Variants in HTR1F observed in about 807,000 individuals in gnomAD.
HTR1F encodes 5-hydroxytryptamine (serotonin) receptor 1F, G protein-coupled.
Under a neutral mutation model 24.0 loss-of-function variants are expected in HTR1F, and 17 were observed. That is an observed-to-expected ratio of 0.71 (90% confidence interval 0.48 to 1.06). The LOEUF is 1.06. Among genes scored for constraint, HTR1F ranks in the 50% least tolerant of loss-of-function variants. HTR1F has a pLI of 0.00. For missense variants in HTR1F, 391 were observed against 427.8 expected (o/e 0.91, Z 0.76); for synonymous variants, 186 against 156.8 (o/e 1.19, Z -1.39).
chr3:87,920,525 GA>G, intron 2 of HTR1F, among the ~76,000 whole-genome samples: 2 of 152,042 alleles, frequency 1.3e-5, no homozygotes, highest in Admixed American at 1.3e-4. Context: ...AAAAAGAAAT[GA>G]TATGGAATAA....
intron 2 of HTR1F, among the ~76,000 whole-genome samples, chr3:87,884,782 C>A (rs1194436618): frequency 2.6e-5 from 4 of 152,126 alleles, no homozygotes; most frequent in Non-Finnish European, 5.9e-5. Context: ...GGGATCAATT[C>A]AACAAGAAGA....
intron 2 of HTR1F, among the ~76,000 whole-genome samples, chr3:87,927,303 T>C (rs1704149080): frequency 6.6e-6 from 1 of 152,204 alleles, no homozygotes. Flanking sequence ...ACCCTTAATG[T>C]TGATCACACG....
At chr3:87,933,271 G>T (rs1165088231) in intron 2 of HTR1F, among the ~76,000 whole-genome samples, 1 of 150,958 alleles carries the variant, frequency 6.6e-6, no homozygotes, top group East Asian at 1.9e-4. Flanking sequence ...AAAACTGGAA[G>T]CATTCCCTTT....
At chr3:87,819,797 A>C (rs1393719324) in intron 1 of HTR1F, among the ~76,000 whole-genome samples, 2 of 152,028 alleles carry the variant, frequency 1.3e-5, no homozygotes, top group African/African-American at 4.8e-5. Context: ...ATATATTATA[A>C]ATTTCCCAAA....
chr3:87,945,389 C>A (rs1704673307), intron 2 of HTR1F, among the ~76,000 whole-genome samples: 1 of 152,102 alleles, frequency 6.6e-6, no homozygotes, highest in South Asian at 2.1e-4. Flanking sequence ...AGGCAGGGAT[C>A]AGAGGAAGTC....
intron 1 of HTR1F, among the ~76,000 whole-genome samples, chr3:87,812,025 G>A (rs565743542): frequency 2.1e-4 from 32 of 152,132 alleles, no homozygotes; most frequent in Non-Finnish European, 4.0e-4. Context: ...TGCCATGATT[G>A]TGCGTTTCCT....
intron 2 of HTR1F, among the ~76,000 whole-genome samples, chr3:87,826,234 C>A (rs191590135): frequency 6.8e-4 from 104 of 152,288 alleles, no homozygotes; most frequent in African/African-American, 2.5e-3. Flanking sequence ...CTGGGTGAGA[C>A]CATATTCTGT....
chr3:87,960,965 A>G (rs1289616666), intron 2 of HTR1F, among the ~76,000 whole-genome samples: 1 of 151,762 alleles, frequency 6.6e-6, no homozygotes, highest in African/African-American at 2.4e-5. Context: ...GTTTTCTAAA[A>G]CTCTGAATGT....
At chr3:87,891,651 T>C (rs1435840448) in intron 2 of HTR1F, among the ~76,000 whole-genome samples, 1 of 152,190 alleles carries the variant, frequency 6.6e-6, no homozygotes, top group Non-Finnish European at 1.5e-5. Context: ...AAACCCTCTT[T>C]ATGTTTTACT....
chr3:87,985,275 C>T (rs533685601), intron 2 of HTR1F, among the ~76,000 whole-genome samples: 101 of 151,720 alleles, frequency 6.7e-4, no homozygotes, highest in African/African-American at 2.3e-3. Flanking sequence ...GCAGAGGTTG[C>T]GGTGAGCCAG....
At chr3:87,985,885 C>G (rs984195170) in intron 2 of HTR1F, among the ~76,000 whole-genome samples, 9 of 152,210 alleles carry the variant, frequency 5.9e-5, no homozygotes, top group African/African-American at 2.2e-4. Flanking sequence ...ATTTTAAAAA[C>G]TGAGTAAGCA....
At chr3:87,923,827 A>G (rs1178207633) in intron 2 of HTR1F, among the ~76,000 whole-genome samples, 4 of 152,062 alleles carry the variant, frequency 2.6e-5, no homozygotes, top group Non-Finnish European at 5.9e-5. Flanking sequence ...CCAATCTTGC[A>G]TCTTTGGGAT....
chr3:87,948,328 A>C (rs1308749698), intron 2 of HTR1F, among the ~76,000 whole-genome samples: 2 of 152,220 alleles, frequency 1.3e-5, no homozygotes, highest in Non-Finnish European at 2.9e-5. Context: ...GGTCACTAGA[A>C]TAAAGAGGCT....
intron 1 of HTR1F, among the ~76,000 whole-genome samples, chr3:87,800,685 T>A (rs1703976979): frequency 1.3e-5 from 2 of 152,220 alleles, no homozygotes; most frequent in South Asian, 2.1e-4. Flanking sequence ...GAAACTTCTG[T>A]GACTCTTGTG....
At chr3:87,872,658 T>G (rs1268266300) in intron 2 of HTR1F, among the ~76,000 whole-genome samples, 2 of 152,042 alleles carry the variant, frequency 1.3e-5, no homozygotes, top group Non-Finnish European at 2.9e-5. Flanking sequence ...GAGACTACTA[T>G]GAACAATTAC....
chr3:87,968,789 C>T (rs1283213953), intron 2 of HTR1F, among the ~76,000 whole-genome samples: 1 of 152,320 alleles, frequency 6.6e-6, no homozygotes, highest in Admixed American at 6.5e-5. Context: ...GTCTCCAGGG[C>T]ATATAAGAGA....
At chr3:87,841,919 AAAAG>A in intron 2 of HTR1F, among the ~76,000 whole-genome samples, 1 of 113,782 alleles carries the variant, frequency 8.8e-6, no homozygotes, top group East Asian at 2.5e-4. Context: ...AAAAAAAAGA[AAAAG>A]AAAAAAAAAA....
intron 2 of HTR1F, among the ~76,000 whole-genome samples, chr3:87,955,811 G>T (rs1704931092): frequency 1.3e-5 from 2 of 151,322 alleles, no homozygotes; most frequent in South Asian, 2.1e-4. Flanking sequence ...TATTCCCTGA[G>T]ATTTGGACTA....
At chr3:87,978,890 G>GAGGGAGGAAGGAAGGAAGGAAGGAAGGA (rs1250443484) in intron 2 of HTR1F, among the ~76,000 whole-genome samples, 2 of 46,136 alleles carry the variant, frequency 4.3e-5, no homozygotes, top group African/African-American at 8.2e-5. Context: ...GGGAGGGAGG[G>GAGGGAGGAAGGAAGGAAGGAAGGAAGGA]AGGAAGGAAG....
Sources: gnomAD v4.1 joint callset for allele counts (sites outside exome capture counted in the v4.1 genomes callset) on GRCh38, gnomAD v4.1.1 for gene constraint, MANE v1.5 for transcripts, NCBI Gene and HGNC (gene_info 2026-07-23, HGNC 2026-07-21) for gene names.